Variants in TRAF3 observed in about 807,000 individuals in gnomAD.
TRAF3 encodes the protein TNF receptor-associated factor 3.
Under a neutral mutation model 62.3 loss-of-function variants are expected in TRAF3, and 13 were observed. The ratio of observed to expected loss-of-function variants is 0.21; its 90% CI spans 0.14 to 0.33. The LOEUF (loss-of-function observed/expected upper bound fraction) is 0.33. TRAF3 is among the 10% of genes least tolerant of loss of function. TRAF3 has a pLI of 1.00. For missense variants in TRAF3, 440 were observed against 741.8 expected (o/e 0.59, Z 4.73); for synonymous variants, 269 against 283.4 (o/e 0.95, Z 0.51).
chr14:102,873,420 G>A (rs1034693000), intron 4 of TRAF3, among the ~76,000 whole-genome samples: 1 of 152,232 alleles, frequency 6.6e-6, no homozygotes, highest in Non-Finnish European at 1.5e-5. Context: ...CCTAACGTGT[G>A]AGTGAGAGAG....
chr14:102,838,077 T>C (rs904861963), intron 2 of TRAF3, among the ~76,000 whole-genome samples: 1 of 152,262 alleles, frequency 6.6e-6, no homozygotes, highest in Admixed American at 6.5e-5. Flanking sequence ...GAACACTGAC[T>C]CGAGGTAGAC....
Position 102,810,052 on chromosome 14 carries a change from T to C in TRAF3, c.-156-20282T>C, listed in dbSNP as rs893812271. Among the ~76,000 whole-genome samples the C allele has an allele frequency of 3.7e-4, 57 of 152,082 alleles. 1 individual carries two copies. Among genetic ancestry groups the C allele is most frequent in the Non-Finnish European group, 1.5e-5 (1 of 67,994 alleles). On this transcript the variant is annotated intron_variant, in intron 1 of 11. Transcript: ENST00000392745. ...TTATGTGTTTAAAGGATTGTAAAAATAAGCAAAGAAGAATATGTGACCCAT... is the reference window on the plus strand; with the variant it reads ...TTATGTGTTTAAAGGATTGTAAAAACAAGCAAAGAAGAATATGTGACCCAT...
At position 102,911,267 on chromosome 14, in the gene TRAF3, T is replaced by C. The variant is rs1252124542; in HGVS notation, c.*5483T>C. 1 of 152,224 alleles carries C rather than the reference T, an allele frequency of 6.6e-6. No individual in the cohort carries two copies. The highest frequency in any genetic ancestry group is 1.5e-5 in the Non-Finnish European group (1 of 68,034). The allele number at this position is 152,224 out of a possible 1,614,324, so 9.4% of individuals were successfully genotyped here. On this transcript the variant is annotated 3_prime_UTR_variant, in exon 12 of 12. Transcript: ENST00000392745. ...GTGAGTTATTGCCCAGCAATAATCA[T>C]GTTGTTACTGTGAGTTAGCAACATG...
chr14:102,890,650 A>G (rs912616659), intron 8 of TRAF3, among the ~76,000 whole-genome samples: 28 of 152,344 alleles, frequency 1.8e-4, no homozygotes, highest in African/African-American at 6.3e-4. Context: ...TAATAGCAAA[A>G]CAAATTATAT....
chr14:102,820,582 A>G (rs1433411990), intron 1 of TRAF3, among the ~76,000 whole-genome samples: 1 of 5,698 alleles, frequency 1.8e-4, no homozygotes, highest in African/African-American at 7.5e-4. Context: ...GCATATATAT[A>G]TATATATATA....
At chr14:102,851,862 C>G (rs963548556) in intron 2 of TRAF3, among the ~76,000 whole-genome samples, 1 of 152,100 alleles carries the variant, frequency 6.6e-6, no homozygotes, top group Admixed American at 6.5e-5. Flanking sequence ...CGAGACCTAC[C>G]TGGGCAACAT....
At chr14:102,877,028 CATAG>C (rs1176268364) in intron 6 of TRAF3, among the ~76,000 whole-genome samples, 2 of 150,676 alleles carry the variant, frequency 1.3e-5, no homozygotes, top group African/African-American at 4.9e-5. Flanking sequence ...CCACTCAATT[CATAG>C]ATAATCCGTT....
At chr14:102,886,084 G>A (rs978877658) in intron 6 of TRAF3, 105 bp from the exon 7 acceptor site, 3 of 960,410 alleles carry the variant, frequency 3.1e-6, no homozygotes, top group Admixed American at 1.9e-5. Context: ...TTAGAGGACA[G>A]CGATGGTGAG....
rs35634271 is a variant in TRAF3, at chr14:102,854,801, GTTT to G, written c.-17-15367_-17-15365del. 5.8e-3 allele frequency among the ~76,000 whole-genome samples: 790 copies of G among 136,854 alleles called. 9 individuals carry two copies. The highest frequency in any genetic ancestry group is 0.01 in the Admixed American group (142 of 13,798). 89.8% of individuals were successfully genotyped at this position (136,854 alleles called of 152,430 possible). ...TAGGTGTCAGCTGCCGCACCTGGCT[GTTT>G]TTTTTTTTTTTTTTTTAACAATGTT... On this transcript the variant is annotated intron_variant, in intron 2 of 11. Transcript: ENST00000392745.
intron 1 of TRAF3, among the ~76,000 whole-genome samples, chr14:102,824,353 C>T (rs1900165598): frequency 6.6e-6 from 1 of 152,204 alleles, no homozygotes; most frequent in Admixed American, 6.5e-5. Context: ...ATGAAATGGT[C>T]TTATCCTGTA....
At chr14:102,867,244 C>T (rs1888054045) in intron 2 of TRAF3, among the ~76,000 whole-genome samples, 1 of 152,164 alleles carries the variant, frequency 6.6e-6, no homozygotes, top group Non-Finnish European at 1.5e-5. Flanking sequence ...CTGTTACGGG[C>T]AAGAGAGTAA....
chr14:102,782,969 TCA>T (rs1276712929), intron 1 of TRAF3, among the ~76,000 whole-genome samples: 3 of 151,744 alleles, frequency 2.0e-5, no homozygotes, highest in Non-Finnish European at 4.4e-5. Context: ...TCTCCAGGAG[TCA>T]TGAGAATTGT....
At chr14:102,846,029 A>G (rs192668586) in intron 2 of TRAF3, among the ~76,000 whole-genome samples, 183 of 150,190 alleles carry the variant, frequency 1.2e-3, no homozygotes, top group African/African-American at 3.8e-3. Context: ...ACCGCTGTTC[A>G]GTTAGCAGGA....
intron 1 of TRAF3, among the ~76,000 whole-genome samples, chr14:102,818,140 C>T (rs1404201810): frequency 6.6e-6 from 1 of 152,174 alleles, no homozygotes; most frequent in Non-Finnish European, 1.5e-5. Context: ...TGACCTTTTC[C>T]CCGTGTTCTC....
rs1262271315 is a variant in TRAF3, at chr14:102,903,611, C to T, written c.1135+182C>T. 3.3e-6 allele frequency: 3 copies of T among 902,356 alleles called. No homozygotes were observed. Among genetic ancestry groups the T allele is most frequent in the East Asian group, 2.7e-5 (1 of 37,532 alleles). The allele number at this position is 902,356 out of a possible 1,614,324, so 55.9% of individuals were successfully genotyped here. ...CTGAAAGTCCCCCAGCAAAGACAAA[C>T]GTTTCCCGCGCAGGCTTGTCCCCTC... On this transcript the variant is annotated intron_variant, in intron 11 of 11. Transcript: ENST00000392745. This position sits in a 1 kb window ranked among gnomAD's most constrained non-coding sequence, Gnocchi z 6.4.
At chr14:102,845,204 T>C (rs1014531679) in intron 2 of TRAF3, among the ~76,000 whole-genome samples, 37 of 148,012 alleles carry the variant, frequency 2.5e-4, no homozygotes, top group African/African-American at 9.3e-4. Flanking sequence ...CCCTAAAAAT[T>C]TTTTGTTTTT....
rs1889707371 is a variant in TRAF3 at position 102,891,434 on chromosome 14, C to T, written c.819+17C>T. Reference sequence around the variant, plus strand: ...GAAAAGAAGGTGGGCTGCACACTTTCCTGCTGCTATGGGATTTGTATCATC... The same window carrying T: ...GAAAAGAAGGTGGGCTGCACACTTTTCTGCTGCTATGGGATTTGTATCATC... On this transcript the variant is annotated intron_variant, in intron 9 of 11. Transcript: ENST00000392745. 3 of 1,602,818 alleles carry T rather than the reference C, an allele frequency of 1.9e-6. No homozygotes were observed. Among genetic ancestry groups the T allele is most frequent in the East Asian group, 2.3e-5 (1 of 44,308 alleles).
rs141542054 is a variant in TRAF3 at position 102,801,446 on chromosome 14, C to G, written c.-157+23771C>G. ...GGATTGTGGTGCTATAGATACCCAG[C>G]TTATAGGTGGGTCAGTATATGCCAT... On this transcript the variant is annotated intron_variant, in intron 1 of 11. Transcript: ENST00000392745. Among the ~76,000 whole-genome samples, 761 of 152,252 alleles carry G rather than the reference C, an allele frequency of 5.0e-3. 25 individuals carry two copies. Among genetic ancestry groups the G allele is most frequent in the Admixed American group, 0.046 (709 of 15,302 alleles).
chr14:102,779,189 G>A (rs1462939157), intron 1 of TRAF3, among the ~76,000 whole-genome samples: 1 of 150,478 alleles, frequency 6.6e-6, no homozygotes, highest in East Asian at 2.0e-4. Flanking sequence ...GATGTAAGGT[G>A]TCTCACCCAG....
Sources: gnomAD v4.1 joint callset for allele counts (sites outside exome capture counted in the v4.1 genomes callset) on GRCh38, gnomAD v4.1.1 for gene constraint, Gnocchi (gnomAD v3.1) non-coding constraint, MANE v1.5 for transcripts, NCBI Gene and HGNC (gene_info 2026-07-23, HGNC 2026-07-21) for gene names.